GABRB1: variants seen among roughly 807,000 people sequenced by gnomAD.
GABRB1 encodes gamma-aminobutyric acid type A receptor subunit beta1.
A neutral mutation model predicts 51.6 loss-of-function variants in GABRB1; 17 were observed. The observed-to-expected ratio is 0.33, with a 90% CI of 0.23 to 0.49. The LOEUF is 0.49. GABRB1 is among the 20% of genes least tolerant of loss of function. GABRB1 has a pLI of 0.99. For missense variants in GABRB1, 410 were observed against 600.6 expected, an observed-to-expected ratio of 0.68 and a Z score of 3.32; for synonymous variants, 247 against 218.9, an observed-to-expected ratio of 1.13 and a Z score of -1.14.
chr4:46,996,164 C>T (rs903797001), intron 1 of GABRB1, among the ~76,000 whole-genome samples: 1 of 151,276 alleles, frequency 6.6e-6, no homozygotes, highest in East Asian at 1.9e-4. Flanking sequence ...CATGTAAACT[C>T]CTATTTGTGA....
intron 3 of GABRB1, among the ~76,000 whole-genome samples, chr4:47,137,101 TA>T (rs1381534672): frequency 6.6e-6 from 1 of 152,070 alleles, no homozygotes; most frequent in African/African-American, 2.4e-5. Flanking sequence ...AGTCCTGCGC[TA>T]AAAAATGGCT....
intron 3 of GABRB1, among the ~76,000 whole-genome samples, chr4:47,050,953 C>G (rs1388753834): frequency 6.6e-6 from 1 of 152,116 alleles, no homozygotes; most frequent in Non-Finnish European, 1.5e-5. Context: ...TGGGTTATTA[C>G]TGGGCCCACC....
At chr4:47,295,535 A>T (rs944808914) in intron 4 of GABRB1, among the ~76,000 whole-genome samples, 40 of 152,336 alleles carry the variant, frequency 2.6e-4, no homozygotes, top group Admixed American at 5.9e-4. Context: ...GAATGAAATG[A>T]AGCGAGAAGG....
intron 3 of GABRB1, among the ~76,000 whole-genome samples, chr4:47,152,078 C>T (rs933848428): frequency 2.0e-5 from 3 of 152,012 alleles, no homozygotes; most frequent in South Asian, 2.1e-4. Context: ...GGAAATCTGT[C>T]AATTCTCTAT....
intron 1 of GABRB1, among the ~76,000 whole-genome samples, chr4:47,008,626 C>A (rs1219857554): frequency 7.1e-6 from 1 of 140,770 alleles, no homozygotes. Context: ...CCACACCCAG[C>A]TAATTTTTTT....
intron 4 of GABRB1, among the ~76,000 whole-genome samples, chr4:47,277,624 T>A (rs995497910): frequency 4.6e-5 from 7 of 151,970 alleles, no homozygotes; most frequent in African/African-American, 1.4e-4. Flanking sequence ...ATCCCATAAA[T>A]GTATATGCCT....
chr4:47,232,868 T>C (rs1456261229), intron 4 of GABRB1, among the ~76,000 whole-genome samples: 1 of 148,982 alleles, frequency 6.7e-6, no homozygotes, highest in African/African-American at 2.5e-5. Context: ...ACCCAGATTA[T>C]GATCATCATT....
At chr4:47,124,993 C>G (rs1417202090) in intron 3 of GABRB1, among the ~76,000 whole-genome samples, 1 of 151,912 alleles carries the variant, frequency 6.6e-6, no homozygotes, top group East Asian at 1.9e-4. Flanking sequence ...CTTAGAGATT[C>G]CAAAACAGGA....
chr4:47,305,965 A>C (rs1257789371), intron 4 of GABRB1, among the ~76,000 whole-genome samples: 2 of 152,164 alleles, frequency 1.3e-5, no homozygotes, highest in Non-Finnish European at 2.9e-5. Context: ...ACCTCATAAC[A>C]AAGTTTGAGA....
intron 4 of GABRB1, among the ~76,000 whole-genome samples, chr4:47,213,272 T>C (rs930703443): frequency 3.3e-5 from 5 of 152,200 alleles, no homozygotes; most frequent in Non-Finnish European, 5.9e-5. Context: ...GACAAGCTGC[T>C]ATTGCTCCAG....
At chr4:46,999,030 G>A (rs1250306846) in intron 1 of GABRB1, among the ~76,000 whole-genome samples, 1 of 152,050 alleles carries the variant, frequency 6.6e-6, no homozygotes, top group East Asian at 1.9e-4. Context: ...TGTATGGTAT[G>A]TGCGAATTTT....
chr4:47,178,223 T>G (rs1291859908), intron 4 of GABRB1, among the ~76,000 whole-genome samples: 2 of 152,118 alleles, frequency 1.3e-5, no homozygotes, highest in African/African-American at 4.8e-5. Flanking sequence ...GCCTGTCATC[T>G]AATAAACACT....
chr4:47,403,209 C>A, intron 5 of GABRB1, 109 bp from the exon 6 acceptor site: 2 of 1,202,970 alleles, frequency 1.7e-6, no homozygotes, highest in Non-Finnish European at 2.4e-6. Context: ...TAGTTTAAAG[C>A]AATGCCACCT....
chr4:47,141,398 A>T (rs1334179602), intron 3 of GABRB1, among the ~76,000 whole-genome samples: 2 of 151,964 alleles, frequency 1.3e-5, no homozygotes. Context: ...TTAGAATTTG[A>T]GAAGGTAGCT....
chr4:47,109,473 G>A (rs190305091), intron 3 of GABRB1, among the ~76,000 whole-genome samples: 105 of 152,192 alleles, frequency 6.9e-4, no homozygotes, highest in African/African-American at 2.3e-3. Flanking sequence ...ACTTCATGCA[G>A]AATGGTAGGG....
intron 4 of GABRB1, among the ~76,000 whole-genome samples, chr4:47,310,129 T>A (rs1176235359): frequency 1.3e-5 from 2 of 152,190 alleles, no homozygotes; most frequent in African/African-American, 4.8e-5. Context: ...TGCATTGCAA[T>A]CCTGAGTGAT....
At chr4:47,394,782 C>T (rs967433493) in intron 5 of GABRB1, among the ~76,000 whole-genome samples, 5 of 149,010 alleles carry the variant, frequency 3.4e-5, no homozygotes, top group Admixed American at 2.7e-4. Flanking sequence ...GGCATCAGCA[C>T]TTCCCCTTCT....
chr4:47,121,977 T>C (rs1577926329), intron 3 of GABRB1, among the ~76,000 whole-genome samples: 1 of 141,182 alleles, frequency 7.1e-6, no homozygotes, highest in East Asian at 2.1e-4. Context: ...CTTGTGAACA[T>C]ACCCAGAAAA....
chr4:47,328,470 A>G (rs1725337488), intron 5 of GABRB1, among the ~76,000 whole-genome samples: 1 of 152,296 alleles, frequency 6.6e-6, no homozygotes, highest in Non-Finnish European at 1.5e-5. Flanking sequence ...ATGCACACGC[A>G]TGTTTATTGC....
Sources: gnomAD v4.1 joint callset for allele counts (sites outside exome capture counted in the v4.1 genomes callset) on GRCh38, gnomAD v4.1.1 for gene constraint, MANE v1.5 for transcripts, NCBI Gene and HGNC (gene_info 2026-07-23, HGNC 2026-07-21) for gene names.